Variants in ABCC2 observed in about 807,000 individuals in gnomAD.
ABCC2 encodes ATP-binding cassette sub-family C member 2.
ABCC2 carries 157 observed loss-of-function variants against 173.4 expected under a neutral mutation model. The ratio of observed to expected loss-of-function variants is 0.91; its 90% CI spans 0.80 to 1.03. The LOEUF (loss-of-function observed/expected upper bound fraction) is 1.03, where lower values mean the gene tolerates loss of function less well. ABCC2 is among the 50% of genes least tolerant of loss of function. The pLI, the probability that ABCC2 is intolerant of heterozygous loss-of-function variation, is 0.00. For synonymous variants in ABCC2, 657 were observed against 693.5 expected, an observed-to-expected ratio of 0.95 and a Z score of 0.83; for missense variants, 1,822 against 1,852.3, an observed-to-expected ratio of 0.98 and a Z score of 0.30.
chr10:99,820,777 C>T (rs1340497932), intron 19 of ABCC2, among the ~76,000 whole-genome samples: 1 of 152,006 alleles, frequency 6.6e-6, no homozygotes, highest in Non-Finnish European at 1.5e-5. Context: ...TTTATGTGCT[C>T]CAGGTAGTAG....
intron 29 of ABCC2, among the ~76,000 whole-genome samples, chr10:99,846,425 T>C (rs2039018574): frequency 6.6e-6 from 1 of 151,792 alleles, no homozygotes. Context: ...CACCTTCTTC[T>C]CATGCAGCTG....
At chr10:99,827,175 G>A (rs539780660) in intron 19 of ABCC2, among the ~76,000 whole-genome samples, 216 of 152,302 alleles carry the variant, frequency 1.4e-3, no homozygotes, top group African/African-American at 4.8e-3. Context: ...TTCGGCTGGC[G>A]GCCAGTATTG....
chr10:99,799,243 AAAAAAGATGTTCC>A lies in ABCC2; in HGVS notation c.909_921del (p.Lys303AsnfsTer4), dbSNP rs765779011. 3 of 1,613,462 alleles carry A rather than the reference AAAAAAGATGTTCC, an allele frequency of 1.9e-6. No homozygotes were observed. The African/African-American group carries it at 4.0e-5, about 21-fold the overall frequency. On this transcript the variant is annotated frameshift_variant, in exon 8 of 32. Coordinates refer to ENST00000647814, the MANE Select transcript of ABCC2 (RefSeq NM_000392.5). LOFTEE classifies it high-confidence loss of function. ...AAAGAAAAAAAAGAAGTCTGGGACC[AAAAAAGATGTTCC>A]AAAATCCTGGTTGATGAAGGCTCTG...
In ABCC2 at chr10:99,800,361, A is replaced by G. The variant is rs772383119; in HGVS notation, c.1032-25A>G. On this transcript the variant is annotated intron_variant, in intron 8 of 31. Transcript: ENST00000647814. ...GCATCCTTGGAGGCCTTATGGGTATAACTAACTTGGCTTTTCTCTGGCAGA... is the reference window on the plus strand; with the variant it reads ...GCATCCTTGGAGGCCTTATGGGTATGACTAACTTGGCTTTTCTCTGGCAGA... The G allele has an allele frequency of 6.8e-6, 11 of 1,613,962 alleles. No homozygotes were observed. The South Asian group carries it at 1.1e-4, about 16-fold the overall frequency.
Position 99,844,473 on chromosome 10 carries a change from G to A in ABCC2, c.3987+8G>A. On this transcript the variant is annotated splice_region_variant and intron_variant, in intron 28 of 31. Transcript: ENST00000647814. ...ATCGGTAGCATGGAGAAGGTAGGTG[G>A]AGTGAAGGAAGGCCTGGATGGGAGG... The A allele has an allele frequency of 6.2e-7, 1 of 1,612,864 alleles. No homozygotes were observed. The highest frequency in any genetic ancestry group is 1.1e-5 in the South Asian group (1 of 91,062).
intron 19 of ABCC2, among the ~76,000 whole-genome samples, chr10:99,820,216 AC>A (rs1450273300): frequency 2.0e-5 from 3 of 151,944 alleles, no homozygotes; most frequent in African/African-American, 7.3e-5. Flanking sequence ...ACATGGAGAA[AC>A]CCCGTCTCTA....
At chr10:99,814,145 ACATGTATGTATACACACG>A (rs1564683198) in intron 16 of ABCC2, among the ~76,000 whole-genome samples, 1 of 27,226 alleles carries the variant, frequency 3.7e-5, no homozygotes, top group African/African-American at 1.4e-4. Flanking sequence ...ATATATACAC[ACATGTATGTATACACACG>A]TATATATACA....
intron 24 of ABCC2, 88 bp downstream of exon 24, chr10:99,834,623 T>C (rs919847091): frequency 6.7e-6 from 10 of 1,486,238 alleles, no homozygotes; most frequent in East Asian, 4.5e-5. Context: ...CTCTGATTCA[T>C]TGCTAGTCAC....
intron 9 of ABCC2, among the ~76,000 whole-genome samples, chr10:99,800,863 T>C (rs372098248): frequency 1.2e-4 from 18 of 152,330 alleles, no homozygotes; most frequent in African/African-American, 4.3e-4. Context: ...CATCTCTTCC[T>C]GCCTCTCTTG....
At chr10:99,838,295 A>C (rs1590187448) in intron 25 of ABCC2, among the ~76,000 whole-genome samples, 1 of 20,438 alleles carries the variant, frequency 4.9e-5, no homozygotes, top group Non-Finnish European at 9.7e-5. Context: ...GGCGCCCCTC[A>C]CCTCCCGGAC....
chr10:99,829,250 G>A (rs1271370325), intron 19 of ABCC2, among the ~76,000 whole-genome samples: 3 of 152,164 alleles, frequency 2.0e-5, no homozygotes, highest in South Asian at 2.1e-4. Context: ...TAGGCTGCTG[G>A]TTTTCATGGC....
intron 2 of ABCC2, chr10:99,788,573 G>A (rs929424810): frequency 4.6e-5 from 7 of 152,546 alleles, no homozygotes; most frequent in African/African-American, 7.2e-5. Context: ...CACGTTTTCA[G>A]GCTGCATGTT....
In ABCC2 at chr10:99,830,316, G is replaced by GGGAGTC; in HGVS notation, c.2630_2631insGGAGTC (p.Gly877_Ser878insGluSer). 6.2e-7 allele frequency: 1 copy of GGGAGTC among 1,614,144 alleles called. No individual in the cohort carries two copies. Among genetic ancestry groups the GGGAGTC allele is most frequent in the Non-Finnish European group, 8.5e-7 (1 of 1,179,992 alleles). On this transcript the variant is annotated inframe_insertion, in exon 20 of 32. Coordinates refer to ENST00000647814, the MANE Select transcript of ABCC2 (RefSeq NM_000392.5). The stretch of plus-strand genomic sequence containing the variant: ...TACTGTGTCTCCCTAGTCCATGATG[G>GGGAGTC]CAGTGAAGAAGAAGACGATGACTAT...
In ABCC2 at chr10:99,797,281, C is replaced by A. The variant is rs368116041; in HGVS notation, c.817C>A (p.Leu273Met). 1.2e-6 allele frequency: 2 copies of A among 1,613,920 alleles called. No individual in the cohort carries two copies. The highest frequency in any genetic ancestry group is 1.7e-6 in the Non-Finnish European group (2 of 1,179,932). ...KSSQQNSGAR[L>M]PGLNKNQSQS... ...CTCCCAGCAGAACTCTGGAGCCAGGCTGCCTGGCTTGAACAAGAATCAGAG... is the reference window on the plus strand; with the variant it reads ...CTCCCAGCAGAACTCTGGAGCCAGGATGCCTGGCTTGAACAAGAATCAGAG... Residue 273 changes from leucine to methionine, a missense_variant, in exon 7 of 32, where the codon CTG becomes ATG. Leu to Met is a conservative substitution (Grantham distance 15). Coordinates refer to ENST00000647814, the MANE Select transcript of ABCC2 (RefSeq NM_000392.5).
chr10:99,792,796 G>A (rs2037831308), intron 3 of ABCC2, among the ~76,000 whole-genome samples: 1 of 152,072 alleles, frequency 6.6e-6, no homozygotes, highest in Non-Finnish European at 1.5e-5. Flanking sequence ...TTTTTCAGGG[G>A]GTGGGGCCTA....
intron 5 of ABCC2, 135 bp downstream of exon 5, chr10:99,794,134 G>A: frequency 7.6e-6 from 6 of 789,564 alleles, no homozygotes; most frequent in Non-Finnish European, 9.8e-6. Context: ...TTTATGACAA[G>A]GAAACAGATA....
intron 19 of ABCC2, among the ~76,000 whole-genome samples, chr10:99,819,580 C>T (rs539031539): frequency 5.9e-5 from 9 of 152,298 alleles, no homozygotes; most frequent in East Asian, 3.9e-4. Flanking sequence ...AGTGGCACAA[C>T]GGTCCCTCTT....
intron 25 of ABCC2, among the ~76,000 whole-genome samples, chr10:99,841,248 G>C (rs931827876): frequency 6.6e-6 from 1 of 152,092 alleles, no homozygotes; most frequent in Non-Finnish European, 1.5e-5. Flanking sequence ...CATTTGGAGC[G>C]TTCATTTAAA....
chr10:99,844,871 A>T (rs1284386019), intron 28 of ABCC2, among the ~76,000 whole-genome samples: 1 of 152,172 alleles, frequency 6.6e-6, no homozygotes, highest in Non-Finnish European at 1.5e-5. Flanking sequence ...CTTCAAAGTC[A>T]GGCACCCTCC....
Sources: allele counts gnomAD v4.1 joint callset (sites outside exome capture counted in the v4.1 genomes callset), GRCh38; gene constraint gnomAD v4.1.1; transcripts MANE v1.5; gene names NCBI Gene and HGNC (gene_info 2026-07-23, HGNC 2026-07-21).